Variants in ATP8B4 observed in about 807,000 individuals in gnomAD.
ATP8B4 encodes ATPase phospholipid transporting 8B4 (putative).
Under a neutral mutation model 145.6 loss-of-function variants are expected in ATP8B4, and 133 were observed. That is an observed-to-expected ratio of 0.91 (90% CI 0.79 to 1.05). The LOEUF (loss-of-function observed/expected upper bound fraction) is 1.05. ATP8B4 is among the 50% of genes least tolerant of loss of function. The pLI, the probability that ATP8B4 is intolerant of heterozygous loss-of-function variation, is 0.00. For missense variants in ATP8B4, 1,458 were observed against 1,425.2 expected (o/e 1.02, Z -0.37); for synonymous variants, 507 against 492.9 (o/e 1.03, Z -0.38).
intron 15 of ATP8B4, among the ~76,000 whole-genome samples, chr15:49,932,754 C>T (rs1045820507): frequency 2.6e-5 from 4 of 151,786 alleles, no homozygotes; most frequent in Non-Finnish European, 5.9e-5. Flanking sequence ...AGCCATAGCC[C>T]AGTACCTGTC....
intron 3 of ATP8B4, among the ~76,000 whole-genome samples, chr15:50,073,066 C>CAT (rs143818396): frequency 1.5e-5 from 2 of 129,504 alleles, no homozygotes; most frequent in African/African-American, 3.0e-5. Flanking sequence ...TACATATACG[C>CAT]ATATATATAT....
intron 13 of ATP8B4, among the ~76,000 whole-genome samples, chr15:49,969,786 T>A (rs1489520899): frequency 1.3e-5 from 2 of 152,128 alleles, no homozygotes; most frequent in Admixed American, 6.6e-5. Flanking sequence ...GCCAGCCTCA[T>A]CCTGATACCA....
At chr15:50,042,733 G>A (rs1406645977) in intron 5 of ATP8B4, among the ~76,000 whole-genome samples, 3 of 152,134 alleles carry the variant, frequency 2.0e-5, no homozygotes, top group Non-Finnish European at 4.4e-5. Flanking sequence ...GAGGGGTGTG[G>A]TGAGTAAGTG....
Position 49,869,058 on chromosome 15 carries a change from G to A in ATP8B4, c.3028-2574C>T, listed in dbSNP as rs959805527. ...TGAGTAGCTGGGACTACAGGCAGGCGCCACCATGCCTGGCTAATTTTTTTG... is the reference window on the plus strand; with the variant it reads ...TGAGTAGCTGGGACTACAGGCAGGCACCACCATGCCTGGCTAATTTTTTTG... On this transcript the variant is annotated intron_variant, in intron 25 of 27. Transcript: ENST00000284509. Among the ~76,000 whole-genome samples the A allele has an allele frequency of 3.3e-5, 5 of 152,064 alleles. No individual in the cohort carries two copies. In the East Asian group the frequency reaches 5.8e-4, roughly 18 times the overall value.
chr15:49,938,719 G>C (rs1286274232), intron 14 of ATP8B4, among the ~76,000 whole-genome samples: 1 of 152,040 alleles, frequency 6.6e-6, no homozygotes, highest in South Asian at 2.1e-4. Flanking sequence ...AACTAGCAAA[G>C]AAATTCTGGA....
chr15:50,047,760 TACC>T (rs2051834991), intron 3 of ATP8B4, among the ~76,000 whole-genome samples: 1 of 152,166 alleles, frequency 6.6e-6, no homozygotes, highest in East Asian at 1.9e-4. Context: ...ATTGCTTGAG[TACC>T]TACTGTATGC....
At position 49,931,171 on chromosome 15, in the gene ATP8B4, T is replaced by C; in HGVS notation, c.1590A>G (p.Gln530=). Reference sequence around the variant, plus strand: ...TGTTGAAATCCAAAAAGGCAAGTAATTGATAAGTAACTAGTGTTCCCAATT... The same window carrying C: ...TGTTGAAATCCAAAAAGGCAAGTAACTGATAAGTAACTAGTGTTCCCAATT... ...IEELGTLVTY[Q]LLAFLDFNNT... is the part of the protein sequence containing the mutation. The change falls in exon 16 of 28, where the codon CAA becomes CAG. Residue 530 remains glutamine, a synonymous_variant. Coordinates refer to ENST00000284509, the MANE Select transcript of ATP8B4 (RefSeq NM_024837.4). 6.2e-7 allele frequency: 1 copy of C among 1,612,476 alleles called. No homozygotes were observed. The highest frequency in any genetic ancestry group is 8.5e-7 in the Non-Finnish European group (1 of 1,179,024).
chr15:50,029,238 TAAAA>T (rs58363112), intron 6 of ATP8B4, among the ~76,000 whole-genome samples: 2 of 76,634 alleles, frequency 2.6e-5, no homozygotes, highest in South Asian at 5.6e-4. Flanking sequence ...GACTCCATCT[TAAAA>T]AAAAAAAAAA....
intron 3 of ATP8B4, among the ~76,000 whole-genome samples, chr15:50,048,623 G>T (rs749913861): frequency 2.0e-5 from 3 of 151,290 alleles, no homozygotes; most frequent in African/African-American, 7.3e-5. Flanking sequence ...CAGGAGAATC[G>T]CTTGAACCCA....
chr15:50,058,793 G>A (rs1446899310), intron 3 of ATP8B4, among the ~76,000 whole-genome samples: 2 of 151,902 alleles, frequency 1.3e-5, no homozygotes, highest in Non-Finnish European at 1.5e-5. Flanking sequence ...TCACAGCCAG[G>A]TTGGGGAGTA....
At chr15:50,005,108 A>ATATTTACTT (rs975338769) in intron 7 of ATP8B4, among the ~76,000 whole-genome samples, 1 of 152,180 alleles carries the variant, frequency 6.6e-6, no homozygotes, top group African/African-American at 2.4e-5. Flanking sequence ...CATATGCCCC[A>ATATTTACTT]TATTTACTTT....
At chr15:50,099,764 C>T (rs891968735) in intron 2 of ATP8B4, among the ~76,000 whole-genome samples, 3 of 152,064 alleles carry the variant, frequency 2.0e-5, no homozygotes, top group Non-Finnish European at 4.4e-5. Context: ...ACATGCCAGG[C>T]GCGGTGGCTC....
At chr15:50,096,778 T>G (rs773896276) in intron 2 of ATP8B4, among the ~76,000 whole-genome samples, 8 of 152,198 alleles carry the variant, frequency 5.3e-5, no homozygotes, top group Non-Finnish European at 7.3e-5. Context: ...ATGGAAGATA[T>G]TAAGTCTTTC....
At chr15:50,121,895 A>T (rs1019121492), upstream of ATP8B4, among the ~76,000 whole-genome samples, 9 of 152,164 alleles carry the variant, frequency 5.9e-5, no homozygotes, top group African/African-American at 2.2e-4. Flanking sequence ...TCTCGTGATC[A>T]TATTAAAGGA....
At chr15:49,929,070 C>G (rs1490280986) in intron 16 of ATP8B4, among the ~76,000 whole-genome samples, 1 of 152,102 alleles carries the variant, frequency 6.6e-6, no homozygotes, top group Non-Finnish European at 1.5e-5. Flanking sequence ...TGTATTGTAA[C>G]AAGCCCTCCT....
intron 5 of ATP8B4, among the ~76,000 whole-genome samples, chr15:50,043,687 C>A (rs1269906587): frequency 6.6e-6 from 1 of 152,188 alleles, no homozygotes; most frequent in African/African-American, 2.4e-5. Context: ...GGCGCGGTGG[C>A]TCACGCCTGT....
chr15:50,165,699 A>T (rs923535775), intron 1 of ATP8B4, among the ~76,000 whole-genome samples: 1 of 152,186 alleles, frequency 6.6e-6, no homozygotes, highest in African/African-American at 2.4e-5. Flanking sequence ...AATTACTTAG[A>T]GTTAGTTATC....
rs1264267462 is a variant in ATP8B4, at chr15:50,046,403, A to C, written c.201+948T>G. ...GAAAGGCCAATGTGTGAAAACAAAA[A>C]CAAAAACAAAACAAAACAAAAACAG... On this transcript the variant is annotated intron_variant, in intron 4 of 27. Transcript: ENST00000284509. Among the ~76,000 whole-genome samples the C allele has an allele frequency of 2.0e-5, 3 of 152,202 alleles. No individual in the cohort carries two copies. The East Asian group carries it at 5.8e-4, about 29-fold the overall frequency.
chr15:50,108,547 A>G (rs1445048459), intron 1 of ATP8B4, among the ~76,000 whole-genome samples: 1 of 152,106 alleles, frequency 6.6e-6, no homozygotes, highest in Non-Finnish European at 1.5e-5. Flanking sequence ...TGCACTCCAG[A>G]AATATACAAC....
Sources: allele counts gnomAD v4.1 joint callset (sites outside exome capture counted in the v4.1 genomes callset), GRCh38; gene constraint gnomAD v4.1.1; transcripts MANE v1.5; gene names NCBI Gene and HGNC (gene_info 2026-07-23, HGNC 2026-07-21).